Variants in HOXA10 observed in about 807,000 individuals in gnomAD.
HOXA10 encodes homeobox A10, also known as homeobox protein Hox-A10.
A neutral mutation model predicts 29.7 loss-of-function variants in HOXA10; 12 were observed. The observed-to-expected ratio is 0.40, with a 90% confidence interval of 0.26 to 0.65. The LOEUF (loss-of-function observed/expected upper bound fraction) is 0.65, where lower values mean the gene tolerates loss of function less well. Ranked by LOEUF, HOXA10 falls within the 30% of genes least tolerant of loss-of-function variation. HOXA10 has a pLI of 0.37. For missense variants in HOXA10, 656 were observed against 585.9 expected (o/e 1.12, Z -1.24); for synonymous variants, 327 against 280.7 (o/e 1.16, Z -1.65).
Position 27,171,364 on chromosome 7 carries a change from G to T in HOXA10, c.*535C>A. ...TCCATGCCTGTAAGCCCTTCTCTTG[G>T]CCAAGGAAGAAAGGAAGAAAGAAAA... On this transcript the variant is annotated 3_prime_UTR_variant, in exon 2 of 2. Transcript: ENST00000283921. The T allele has an allele frequency of 4.4e-6, 2 of 454,428 alleles. No individual in the cohort carries two copies. The highest frequency in any genetic ancestry group is 1.6e-5 in the South Asian group (1 of 64,480). 28.1% of individuals were successfully genotyped at this position (454,428 alleles called of 1,614,324 possible). A position where few individuals can be genotyped will look rare whatever the true frequency, so the allele number is the denominator to read the frequency against.
In HOXA10 at chr7:27,172,253, C is replaced by T. The variant is rs547046092; in HGVS notation, c.959-80G>A. 1,316 of 1,414,634 alleles carry T rather than the reference C, an allele frequency of 9.3e-4. 9 individuals carry two copies. Among genetic ancestry groups the T allele is most frequent in the South Asian group, 2.3e-3 (197 of 86,502 alleles). 87.6% of individuals were successfully genotyped at this position (1,414,634 alleles called of 1,614,324 possible). On this transcript the variant is annotated intron_variant, in intron 1 of 1. Transcript: ENST00000283921. Reference sequence around the variant, plus strand: ...CCGCGGGGGTGAATTGCCTCCGTTTCTCCCATAAGAGAGATGTCCCAAGTC... The same window carrying T: ...CCGCGGGGGTGAATTGCCTCCGTTTTTCCCATAAGAGAGATGTCCCAAGTC...
intron 1 of HOXA10, 28 bp from the exon 2 acceptor site, chr7:27,172,201 T>C (rs569565969): frequency 3.3e-5 from 54 of 1,612,562 alleles, no homozygotes; most frequent in Non-Finnish European, 4.2e-5. Flanking sequence ...AAAGAGGGGA[T>C]GATTAAGTCG....
rs1376383611 is a variant in HOXA10 at position 27,172,146 on chromosome 7, T to C, written c.986A>G (p.Asn329Ser). ...CCGACCACTCTTTGCCGTGAGCCAG[T>C]TGGCTGCGTTTTCACCTTTGGAATT... ...LGNSKGENAA[N>S]WLTAKSGRKK... Residue 329 changes from asparagine to serine, a missense_variant, in exon 2 of 2, where the codon AAC (asparagine) becomes AGC (serine). Around this residue, in one of 2 missense-constraint regions of HOXA10, gnomAD observed 594 missense variants for 491.9 expected, o/e 1.21. Coordinates refer to ENST00000283921, the MANE Select transcript of HOXA10 (RefSeq NM_018951.4). The C allele has an allele frequency of 7.4e-6, 12 of 1,613,748 alleles. No homozygotes were observed. Among genetic ancestry groups the C allele is most frequent in the African/African-American group, 1.3e-5 (1 of 74,818 alleles).
At position 27,174,073 on chromosome 7, in the gene HOXA10, G is replaced by A; in HGVS notation, c.234C>T (p.Cys78=). Residue 78 remains cysteine, a synonymous_variant, in exon 1 of 2, where the codon TGC becomes TGT. Transcript: ENST00000283921. ...TGCCGCCCAGCGTGGGGAAGAGCCC[G>A]CAGCTCTGCAGCCCGTAGGGCAGGT... ...AADLPYGLQS[C]GLFPTLGGKR... is the part of the protein sequence containing the mutation. 6.4e-7 allele frequency: 1 copy of A among 1,556,884 alleles called. No homozygotes were observed. The highest frequency in any genetic ancestry group is 8.6e-7 in the Non-Finnish European group (1 of 1,157,906).
upstream of HOXA10, chr7:27,174,585 C>G (rs2115453744): frequency 2.0e-6 from 1 of 510,890 alleles, no homozygotes; most frequent in South Asian, 2.2e-5. Flanking sequence ...TTGGGCTCGC[C>G]CCGCCCCTAC....
upstream of HOXA10, among the ~76,000 whole-genome samples, chr7:27,177,969 C>A (rs942686495): frequency 3.3e-5 from 5 of 152,228 alleles, no homozygotes; most frequent in Admixed American, 2.0e-4. Context: ...AAACACCAGG[C>A]CCATGGATTA....
At chr7:27,178,059 A>T (rs918759226), upstream of HOXA10, among the ~76,000 whole-genome samples, 1 of 152,238 alleles carries the variant, frequency 6.6e-6, no homozygotes, top group African/African-American at 2.4e-5. Context: ...GAAATAAACT[A>T]TTATGAAAAA....
chr7:27,176,288 C>A (rs1041134367), upstream of HOXA10, among the ~76,000 whole-genome samples: 3 of 152,222 alleles, frequency 2.0e-5, no homozygotes, highest in African/African-American at 7.2e-5. Flanking sequence ...AGGGTCTGTG[C>A]CAAGAGATCA....
chr7:27,174,019 G>T lies in HOXA10; in HGVS notation c.288C>A (p.Ser96Arg). 2.0e-6 allele frequency: 3 copies of T among 1,528,974 alleles called. No individual in the cohort carries two copies. The highest frequency in any genetic ancestry group is 1.7e-6 in the Non-Finnish European group (2 of 1,144,326). The allele number at this position is 1,528,974 out of a possible 1,614,324, so 94.7% of individuals were successfully genotyped here. ...GKRNEAASPG[S>R]GGGGGGLGPG... is the part of the protein sequence containing the mutation. The stretch of plus-strand genomic sequence containing the variant: ...GACCTAGACCCCCGCCACCGCCACC[G>T]CTGCCCGGCGACGCTGCCTCATTGC... The change falls in exon 1 of 2, where the codon AGC becomes AGA. Residue 96 changes from serine to arginine, a missense_variant. By Grantham distance (110) the Ser-to-Arg change is moderately radical. Coordinates refer to ENST00000283921, the MANE Select transcript of HOXA10 (RefSeq NM_018951.4).
intron 1 of HOXA10, chr7:27,173,094 G>C: frequency 1.7e-6 from 1 of 574,368 alleles, no homozygotes; most frequent in Admixed American, 3.0e-5. Flanking sequence ...GGGCCTGCTC[G>C]CTGGTGTCCT....
chr7:27,171,158 A>T lies in HOXA10; in HGVS notation c.*741T>A, dbSNP rs1355909336. On this transcript the variant is annotated 3_prime_UTR_variant, in exon 2 of 2. Coordinates refer to ENST00000283921, the MANE Select transcript of HOXA10 (RefSeq NM_018951.4). ...ATGGAAATTTAGAGGTAAATGAAAC[A>T]TTTTAGTCAGGCAATGTAAGACCTT... The T allele has an allele frequency of 4.4e-6, 2 of 453,552 alleles. No individual in the cohort carries two copies. Among genetic ancestry groups the T allele is most frequent in the African/African-American group, 4.0e-5 (2 of 49,940 alleles). 28.1% of individuals were successfully genotyped at this position (453,552 alleles called of 1,614,324 possible). A position where few individuals can be genotyped will look rare whatever the true frequency, so the allele number is the denominator to read the frequency against.
At chr7:27,172,455 C>T (rs917002388) in intron 1 of HOXA10, 20 of 519,586 alleles carry the variant, frequency 3.8e-5, no homozygotes, top group South Asian at 3.6e-4. Flanking sequence ...GAAGGAAAGG[C>T]CTGGGAGGGC....
chr7:27,177,925 G>T (rs555744725), upstream of HOXA10, among the ~76,000 whole-genome samples: 2 of 152,170 alleles, frequency 1.3e-5, no homozygotes, highest in Non-Finnish European at 2.9e-5. Context: ...ATTTCTACCC[G>T]GGTAATAACC....
chr7:27,171,050 T>C lies in HOXA10; in HGVS notation c.*849A>G, dbSNP rs1225542548. 1 of 450,722 alleles carries C rather than the reference T, an allele frequency of 2.2e-6. No individual in the cohort carries two copies. The highest frequency in any genetic ancestry group is 4.4e-6 in the Non-Finnish European group (1 of 225,824). 27.9% of individuals were successfully genotyped at this position (450,722 alleles called of 1,614,324 possible). Reference sequence around the variant, plus strand: ...TGGTGTGCTTGTCACATGTTACCAGTGGTAACAATTTTAATGACAAAAAAA... The same window carrying C: ...TGGTGTGCTTGTCACATGTTACCAGCGGTAACAATTTTAATGACAAAAAAA... On this transcript the variant is annotated 3_prime_UTR_variant, in exon 2 of 2. Coordinates refer to ENST00000283921, the MANE Select transcript of HOXA10 (RefSeq NM_018951.4).
At position 27,173,945 on chromosome 7, in the gene HOXA10, G is replaced by A; in HGVS notation, c.362C>T (p.Ala121Val). The A allele has an allele frequency of 3.9e-6, 6 of 1,524,862 alleles. No individual in the cohort carries two copies. The highest frequency in any genetic ancestry group is 5.3e-6 in the Non-Finnish European group (6 of 1,138,948). 94.5% of individuals were successfully genotyped at this position (1,524,862 alleles called of 1,614,324 possible). ...CGGCTCCATCCGGCAAGACCGGGGC[G>A]CGTCTAGCCACAGGTCTATGGGCGA... is the stretch of plus-strand genomic sequence containing the variant. ...GPSPIDLWLD[A>V]PRSCRMEPPD... The change falls in exon 1 of 2, where the codon GCG (alanine) becomes GTG (valine). Residue 121 changes from alanine to valine, a missense_variant. Physicochemically the swap from Ala to Val is moderately conservative, Grantham distance 64. Around this residue, in one of 2 missense-constraint regions of HOXA10, gnomAD observed 594 missense variants for 491.9 expected, o/e 1.21. Coordinates refer to ENST00000283921, the MANE Select transcript of HOXA10 (RefSeq NM_018951.4).
At chr7:27,176,403 G>A (rs1783655433), upstream of HOXA10, among the ~76,000 whole-genome samples, 1 of 152,248 alleles carries the variant, frequency 6.6e-6, no homozygotes, top group Non-Finnish European at 1.5e-5. Flanking sequence ...AAAAGCTTCA[G>A]AGCACCGCAG....
Position 27,170,611 on chromosome 7 carries a change from C to T in HOXA10, c.*1288G>A, listed in dbSNP as rs924801765. ...AGAGGTAAAATTAAAAAGCTTCATT[C>T]CACAGCTTTTATTCTATAAGAACAT... On this transcript the variant is annotated 3_prime_UTR_variant, in exon 2 of 2. Coordinates refer to ENST00000283921, the MANE Select transcript of HOXA10 (RefSeq NM_018951.4). 2.9e-6 allele frequency: 1 copy of T among 341,990 alleles called. No individual in the cohort carries two copies. The highest frequency in any genetic ancestry group is 5.6e-6 in the Non-Finnish European group (1 of 177,148). The allele number at this position is 341,990 out of a possible 1,614,324, so 21.2% of individuals were successfully genotyped here.
upstream of HOXA10, chr7:27,174,711 C>G (rs1454255205): frequency 9.2e-6 from 2 of 218,544 alleles, no homozygotes; most frequent in African/African-American, 2.4e-5. Context: ...CCATCCCTGT[C>G]GCAGAAGCTG....
upstream of HOXA10, among the ~76,000 whole-genome samples, chr7:27,175,938 A>G (rs1783648625): frequency 6.6e-6 from 1 of 152,200 alleles, no homozygotes; most frequent in Non-Finnish European, 1.5e-5. Context: ...GCGCAGAGAG[A>G]GCTGGCTAGG....
Sources: allele counts gnomAD v4.1 joint callset (sites outside exome capture counted in the v4.1 genomes callset), GRCh38; gene constraint gnomAD v4.1.1; regional missense constraint gnomAD v4.1.1; transcripts MANE v1.5; gene names NCBI Gene and HGNC (gene_info 2026-07-23, HGNC 2026-07-21).